The following DCP1A variants were observed in gnomAD, a reference collection of about 807,000 sequenced individuals.
DCP1A encodes the protein decapping mRNA 1A.
In DCP1A, 20 loss-of-function variants were observed where a neutral mutation model predicts 58.0. The ratio of observed to expected loss-of-function variants is 0.34; its 90% CI spans 0.24 to 0.50. The LOEUF is 0.50. Among genes scored for constraint, DCP1A ranks in the 20% least tolerant of loss-of-function variants. DCP1A has a pLI of 0.98. For synonymous variants in DCP1A, 285 were observed against 275.1 expected, an observed-to-expected ratio of 1.04 and a Z score of -0.36; for missense variants, 613 against 712.2, an observed-to-expected ratio of 0.86 and a Z score of 1.59.
intron 4 of DCP1A, among the ~76,000 whole-genome samples, chr3:53,318,357 T>C (rs896759316): frequency 6.6e-6 from 1 of 152,162 alleles, no homozygotes; most frequent in Non-Finnish European, 1.5e-5. Flanking sequence ...ATTAGACTGT[T>C]AAAAAATTTA....
intron 5 of DCP1A, among the ~76,000 whole-genome samples, chr3:53,304,993 A>G (rs1392914331): frequency 6.6e-6 from 1 of 152,106 alleles, no homozygotes; most frequent in Non-Finnish European, 1.5e-5. Flanking sequence ...CAGTTCCATC[A>G]TCCAAAAAAA....
Position 53,292,540 on chromosome 3 carries a change from T to A in DCP1A, c.912A>T (p.Glu304Asp). Reference sequence around the variant, plus strand: ...GGATTGTGTAGGTTGGAGCATGCTTTTCATTGGACTGTGTGATGGAGGCTG... The same window carrying A: ...GGATTGTGTAGGTTGGAGCATGCTTATCATTGGACTGTGTGATGGAGGCTG... Reference protein sequence around the residue: ...ITPASITQSNEKHAPTYTIPL... With the variant: ...ITPASITQSNDKHAPTYTIPL... Residue 304 changes from glutamate (E) to aspartate (D), a missense_variant, in exon 7 of 10, where the codon GAA becomes GAT. This residue lies in a region of DCP1A where 498 missense variants were observed against 556.7 expected (regional missense o/e 0.89). Coordinates refer to ENST00000610213, the MANE Select transcript of DCP1A (RefSeq NM_018403.7). 1 of 1,613,902 alleles carries A rather than the reference T, an allele frequency of 6.2e-7. No individual in the cohort carries two copies. The highest frequency in any genetic ancestry group is 8.5e-7 in the Non-Finnish European group (1 of 1,179,886).
At chr3:53,328,403 T>G (rs1708169620) in intron 3 of DCP1A, among the ~76,000 whole-genome samples, 1 of 152,216 alleles carries the variant, frequency 6.6e-6, no homozygotes. Context: ...TGATTTCCTT[T>G]GTGAGTTCTC....
At chr3:53,317,897 A>AG (rs1246590679) in intron 4 of DCP1A, among the ~76,000 whole-genome samples, 4 of 152,248 alleles carry the variant, frequency 2.6e-5, no homozygotes, top group Non-Finnish European at 5.9e-5. Context: ...GCAACAAAGC[A>AG]GGGGGCCGAT....
At chr3:53,322,139 T>C (rs1363553558) in intron 3 of DCP1A, among the ~76,000 whole-genome samples, 7 of 152,166 alleles carry the variant, frequency 4.6e-5, no homozygotes, top group Admixed American at 2.6e-4. Context: ...AAAGACTTCA[T>C]GGCAAATCTT....
At chr3:53,297,205 T>C (rs565758515) in intron 6 of DCP1A, among the ~76,000 whole-genome samples, 37 of 152,326 alleles carry the variant, frequency 2.4e-4, no homozygotes, top group Admixed American at 7.2e-4. Flanking sequence ...CATGTGCTTA[T>C]TGGCCATTTG....
At chr3:53,337,833 G>A (rs1040206264) in intron 3 of DCP1A, among the ~76,000 whole-genome samples, 2 of 152,202 alleles carry the variant, frequency 1.3e-5, no homozygotes, top group Non-Finnish European at 2.9e-5. Flanking sequence ...AGCACATACA[G>A]CCATGTAAAT....
At chr3:53,331,564 T>C (rs906691391) in intron 3 of DCP1A, among the ~76,000 whole-genome samples, 2 of 152,234 alleles carry the variant, frequency 1.3e-5, no homozygotes, top group South Asian at 2.1e-4. Flanking sequence ...CTATGTCATT[T>C]AGGTTTGTGT....
rs61290855 is a variant in DCP1A, at chr3:53,290,749, T to TAAAAAAAAAA, written c.1449+32_1449+41dup. On this transcript the variant is annotated intron_variant, in intron 8 of 9. Transcript: ENST00000610213. ...TCTCACTATGGCACCCGACTAGTCT[T>TAAAAAAAAAA]AAAAAAAAAAAAAAAAAAAAAAAAA... The TAAAAAAAAAA allele has an allele frequency of 4.2e-5, 29 of 682,854 alleles. 3 individuals carry two copies. The African/African-American group carries it at 9.4e-4, about 22-fold the overall frequency. The allele number at this position is 682,854 out of a possible 1,614,324, so 42.3% of individuals were successfully genotyped here. A position where few individuals can be genotyped will look rare whatever the true frequency, so the allele number is the denominator to read the frequency against.
chr3:53,330,235 A>G (rs769735256), intron 3 of DCP1A, among the ~76,000 whole-genome samples: 28 of 152,160 alleles, frequency 1.8e-4, no homozygotes, highest in Non-Finnish European at 4.1e-4. Context: ...AGCACATTTC[A>G]TTAAGAATCC....
At chr3:53,288,535 C>T (rs561125905) in intron 8 of DCP1A, among the ~76,000 whole-genome samples, 2 of 152,282 alleles carry the variant, frequency 1.3e-5, no homozygotes, top group South Asian at 4.2e-4. Context: ...CCAAGTCCAA[C>T]CACCACAGTA....
At position 53,288,239 on chromosome 3, in the gene DCP1A, A is replaced by T; in HGVS notation, c.1494T>A (p.Ser498=). The T allele has an allele frequency of 1.9e-6, 3 of 1,613,772 alleles. No homozygotes were observed. The highest frequency in any genetic ancestry group is 2.5e-6 in the Non-Finnish European group (3 of 1,179,774). Residue 498 remains serine (S), a synonymous_variant, in exon 9 of 10, where the codon TCT becomes TCA. Coordinates refer to ENST00000610213, the MANE Select transcript of DCP1A (RefSeq NM_018403.7). ...AAACACTTGGGGCCAGCAGGACTGA[A>T]GACACTGCAGTGGTCGTTGCAGTAA... ...PLVTATTTAV[S]SVLLAPSVFQ... is the part of the protein sequence containing the mutation.
At chr3:53,303,905 G>A (rs1559687241) in intron 6 of DCP1A, among the ~76,000 whole-genome samples, 1 of 152,186 alleles carries the variant, frequency 6.6e-6, no homozygotes, top group Non-Finnish European at 1.5e-5. Flanking sequence ...GGAGTGCCAT[G>A]ATCTGACTTA....
intron 2 of DCP1A, among the ~76,000 whole-genome samples, chr3:53,344,464 G>A (rs1188288555): frequency 6.6e-6 from 1 of 152,186 alleles, no homozygotes; most frequent in Non-Finnish European, 1.5e-5. Flanking sequence ...ACTTCTGTGG[G>A]TTGGGAAAGA....
Position 53,342,267 on chromosome 3 carries a change from C to T in DCP1A, c.181G>A (p.Ala61Thr). Residue 61 changes from alanine to threonine, a missense_variant, in exon 3 of 10, where the codon GCT (alanine) becomes ACT (threonine). Coordinates refer to ENST00000610213, the MANE Select transcript of DCP1A (RefSeq NM_018403.7). ...EGTLFVYRRS[A>T]SPYHGFTIVN... ...ATGGTAAAACCATGGTAAGGGGAAGCTGACCTTAGATTTAATAGAAGAAAA... is the reference window on the plus strand; with the variant it reads ...ATGGTAAAACCATGGTAAGGGGAAGTTGACCTTAGATTTAATAGAAGAAAA... The T allele has an allele frequency of 6.3e-7, 1 of 1,596,126 alleles. No individual in the cohort carries two copies. Among genetic ancestry groups the T allele is most frequent in the Non-Finnish European group, 8.6e-7 (1 of 1,168,674 alleles).
At chr3:53,300,854 G>A (rs967648655) in intron 6 of DCP1A, among the ~76,000 whole-genome samples, 25 of 152,012 alleles carry the variant, frequency 1.6e-4, no homozygotes, top group African/African-American at 4.8e-4. Context: ...CACCATGTTG[G>A]CCAGGCTGTT....
chr3:53,329,913 T>C (rs11705809), intron 3 of DCP1A, among the ~76,000 whole-genome samples: 44,612 of 152,104 alleles, frequency 0.29, 7,555 homozygotes, highest in Admixed American at 0.39. Context: ...AAAACAATCA[T>C]TGTTTTTGGT....
In DCP1A at chr3:53,291,272, T is replaced by C. The variant is rs557262134; in HGVS notation, c.1384-416A>G. 1.3e-3 allele frequency among the ~76,000 whole-genome samples: 192 copies of C among 152,198 alleles called. 3 individuals are homozygous for C. The highest frequency in any genetic ancestry group is 4.0e-3 in the African/African-American group (166 of 41,436). ...TTTGATACAGGCATGCGATGCATAA[T>C]AATCACATCATGGAAAACGGGGCAT... On this transcript the variant is annotated intron_variant, in intron 7 of 9. Coordinates refer to ENST00000610213, the MANE Select transcript of DCP1A (RefSeq NM_018403.7).
chr3:53,307,026 T>G (rs1432761372), intron 5 of DCP1A, among the ~76,000 whole-genome samples: 4 of 145,170 alleles, frequency 2.8e-5, no homozygotes, highest in African/African-American at 7.6e-5. Context: ...AACCTTCGCC[T>G]CTTGGGTTCA....
Sources: allele counts gnomAD v4.1 joint callset (sites outside exome capture counted in the v4.1 genomes callset), GRCh38; gene constraint gnomAD v4.1.1; regional missense constraint gnomAD v4.1.1; transcripts MANE v1.5; gene names NCBI Gene and HGNC (gene_info 2026-07-23, HGNC 2026-07-21).